Variants in ELF1 observed in about 807,000 individuals in gnomAD.
ELF1 encodes the protein ETS-related transcription factor Elf-1.
In ELF1, 24 loss-of-function variants were observed where a neutral mutation model predicts 59.9. The ratio of observed to expected loss-of-function variants is 0.40; its 90% confidence interval spans 0.29 to 0.56. ELF1 has a LOEUF of 0.56. Ranked by LOEUF, ELF1 falls within the 20% of genes least tolerant of loss-of-function variation. The pLI is 0.44. For synonymous variants in ELF1, 248 were observed against 266.2 expected (o/e 0.93, Z 0.67); for missense variants, 627 against 742.2 (o/e 0.84, Z 1.80).
intron 1 of ELF1, among the ~76,000 whole-genome samples, chr13:41,003,790 C>T (rs1211572745): frequency 6.6e-6 from 1 of 152,124 alleles, no homozygotes; most frequent in African/African-American, 2.4e-5. Flanking sequence ...TTAAGCTCTT[C>T]AGCTACATTT....
intron 1 of ELF1, among the ~76,000 whole-genome samples, chr13:41,012,540 CTTTTCT>C (rs1263040585): frequency 8.5e-4 from 117 of 136,990 alleles, no homozygotes; most frequent in Non-Finnish European, 1.7e-3. Context: ...TTTTTCTTTT[CTTTTCT>C]TTTTTTTTTT....
At chr13:40,991,776 A>C (rs1001522152) in intron 1 of ELF1, among the ~76,000 whole-genome samples, 4 of 152,120 alleles carry the variant, frequency 2.6e-5, no homozygotes, top group African/African-American at 4.8e-5. Context: ...TTGGAAATAA[A>C]ATTTTCAAAT....
rs1406627366 is a variant in ELF1 at position 40,949,824 on chromosome 13, G to C, written c.511C>G (p.Gln171Glu). 2.5e-6 allele frequency: 4 copies of C among 1,613,912 alleles called. No homozygotes were observed. In the Admixed American group the frequency reaches 5.0e-5, roughly 20 times the overall value. The change falls in exon 5 of 9, where the codon CAG becomes GAG. Residue 171 changes from glutamine to glutamate, a missense_variant. By Grantham distance (29) the Gln-to-Glu change is conservative (BLOSUM62 2). Coordinates refer to ENST00000239882, the MANE Select transcript of ELF1 (RefSeq NM_172373.4). ...CACCTACCTTTTTTCCTCTTAGGCT[G>C]TTCTGGTGATGAGGCTCCCGGTGAG... ...ADSPGASSPE[Q>E]PKRKKGRKTK... is the part of the protein sequence containing the mutation.
At chr13:40,974,928 T>TA (rs1364495108) in intron 2 of ELF1, among the ~76,000 whole-genome samples, 2 of 152,210 alleles carry the variant, frequency 1.3e-5, no homozygotes, top group African/African-American at 4.8e-5. Flanking sequence ...ATCAGGCTTG[T>TA]AGCTGGGGAC....
chr13:41,005,744 T>C (rs1874710951), intron 1 of ELF1, among the ~76,000 whole-genome samples: 1 of 152,192 alleles, frequency 6.6e-6, no homozygotes, highest in African/African-American at 2.4e-5. Context: ...CTTCAAGTCA[T>C]GTTAACCAAC....
At chr13:40,987,727 A>G (rs1873635619) in intron 1 of ELF1, among the ~76,000 whole-genome samples, 1 of 152,206 alleles carries the variant, frequency 6.6e-6, no homozygotes, top group Non-Finnish European at 1.5e-5. Context: ...TCTCTAATGA[A>G]GTATGTAATT....
At chr13:41,049,664 TTCCCTTTTC>T (rs1182770203) in intron 1 of ELF1, among the ~76,000 whole-genome samples, 2 of 152,178 alleles carry the variant, frequency 1.3e-5, no homozygotes, top group African/African-American at 4.8e-5. Flanking sequence ...CTACTCTCTC[TTCCCTTTTC>T]TCCCTTTCTC....
At chr13:40,935,425 G>A (rs1869698383) in intron 8 of ELF1, among the ~76,000 whole-genome samples, 1 of 152,134 alleles carries the variant, frequency 6.6e-6, no homozygotes, top group Non-Finnish European at 1.5e-5. Flanking sequence ...TCTCACATAT[G>A]AGAAATAAAA....
chr13:40,938,018 T>C (rs7327836), intron 8 of ELF1, among the ~76,000 whole-genome samples: 79,482 of 151,186 alleles, frequency 0.53, 24,389 homozygotes, highest in Non-Finnish European at 0.68. Flanking sequence ...GGTTTTGCCA[T>C]ATTGGCCAGG....
intron 1 of ELF1, among the ~76,000 whole-genome samples, chr13:41,010,898 G>T (rs548172947): frequency 1.3e-5 from 2 of 152,126 alleles, no homozygotes; most frequent in Non-Finnish European, 2.9e-5. Context: ...AGAGAGCCAA[G>T]GGATGATGAA....
intron 3 of ELF1, among the ~76,000 whole-genome samples, chr13:40,953,139 G>A (rs1870967108): frequency 6.6e-6 from 1 of 152,008 alleles, no homozygotes; most frequent in Admixed American, 6.6e-5. Flanking sequence ...ACCATGCCCA[G>A]CTAATTCTGT....
chr13:41,047,151 A>G (rs2138428847), intron 1 of ELF1, among the ~76,000 whole-genome samples: 1 of 152,238 alleles, frequency 6.6e-6, no homozygotes, highest in South Asian at 2.1e-4. Context: ...GGACTTCTCT[A>G]CACTGGTTAT....
chr13:41,027,500 C>T (rs1047843005), intron 1 of ELF1, among the ~76,000 whole-genome samples: 13 of 152,188 alleles, frequency 8.5e-5, no homozygotes, highest in African/African-American at 2.9e-4. Flanking sequence ...CTGCTGAGTG[C>T]CCAATCTGCT....
At chr13:40,945,569 T>C (rs925338788) in intron 5 of ELF1, among the ~76,000 whole-genome samples, 8 of 152,196 alleles carry the variant, frequency 5.3e-5, no homozygotes, top group African/African-American at 1.9e-4. Flanking sequence ...TAGGCCTAGA[T>C]TTATTGTAGC....
At chr13:41,053,444 C>G (rs1014049145) in intron 1 of ELF1, among the ~76,000 whole-genome samples, 1 of 152,154 alleles carries the variant, frequency 6.6e-6, no homozygotes. Flanking sequence ...TACCAGGTCT[C>G]TATGGTGAAG....
chr13:40,970,544 A>C (rs985400799), intron 2 of ELF1, among the ~76,000 whole-genome samples: 1 of 152,242 alleles, frequency 6.6e-6, no homozygotes, highest in Admixed American at 6.5e-5. Flanking sequence ...CATTGTATTC[A>C]AGACTAAGGC....
chr13:40,942,860 A>G, intron 7 of ELF1, 92 bp downstream of exon 7: 2 of 1,291,870 alleles, frequency 1.5e-6, no homozygotes, highest in Non-Finnish European at 2.1e-6. Flanking sequence ...CATTACCACT[A>G]TTGGTGCTTT....
intron 8 of ELF1, among the ~76,000 whole-genome samples, chr13:40,935,079 A>T (rs1869674653): frequency 6.6e-6 from 1 of 152,174 alleles, no homozygotes; most frequent in Non-Finnish European, 1.5e-5. Flanking sequence ...TTTAACATAA[A>T]ATCCTTTAAT....
chr13:41,036,971 G>A (rs928102090), intron 1 of ELF1, among the ~76,000 whole-genome samples: 1 of 151,974 alleles, frequency 6.6e-6, no homozygotes, highest in Non-Finnish European at 1.5e-5. Flanking sequence ...GGGGGAGTGG[G>A]GAGGGATAGC....
Sources: gnomAD v4.1 joint callset for allele counts (sites outside exome capture counted in the v4.1 genomes callset) on GRCh38, gnomAD v4.1.1 for gene constraint, MANE v1.5 for transcripts, NCBI Gene and HGNC (gene_info 2026-07-23, HGNC 2026-07-21) for gene names.